The following SCHIP1 variants were observed in gnomAD, a reference collection of about 807,000 sequenced individuals.
The protein encoded by SCHIP1 is schwannomin-interacting protein 1.
In SCHIP1, 8 loss-of-function variants were observed where a neutral mutation model predicts 29.7. The observed-to-expected ratio is 0.27, with a 90% CI of 0.16 to 0.49. The LOEUF (loss-of-function observed/expected upper bound fraction) is 0.49. Among genes scored for constraint, SCHIP1 ranks in the 20% least tolerant of loss-of-function variants. SCHIP1 has a pLI of 0.99. For synonymous variants in SCHIP1, 76 were observed against 94.9 expected (o/e 0.80, Z 1.16); for missense variants, 193 against 294.6 (o/e 0.66, Z 2.52).
At chr3:159,356,612 A>G in the SCHIP1 span, among the ~76,000 whole-genome samples, 1 of 152,202 alleles carries the variant, frequency 6.6e-6, no homozygotes. Flanking sequence ...CTAATTAACT[A>G]ATTAGACATT....
the SCHIP1 span, among the ~76,000 whole-genome samples, chr3:159,701,368 C>T: frequency 1.3e-5 from 2 of 152,286 alleles, no homozygotes; most frequent in East Asian, 3.9e-4. Flanking sequence ...CCTACACGCA[C>T]AACCTTCCCT....
chr3:159,642,083 A>C, the SCHIP1 span, among the ~76,000 whole-genome samples: 25,350 of 152,070 alleles, frequency 0.17, 5,860 homozygotes, highest in African/African-American at 0.52. Context: ...CAGTGATTAA[A>C]TTTATGGGGA....
At chr3:159,515,989 A>C in the SCHIP1 span, among the ~76,000 whole-genome samples, 1 of 147,968 alleles carries the variant, frequency 6.8e-6, no homozygotes, top group African/African-American at 2.5e-5. Flanking sequence ...GAGATAAAGA[A>C]TTGGGGGGGA....
chr3:159,367,398 C>CAAA, the SCHIP1 span, among the ~76,000 whole-genome samples: 1 of 128,114 alleles, frequency 7.8e-6, no homozygotes, highest in Non-Finnish European at 1.7e-5. Context: ...AACTCCATCT[C>CAAA]AAAAAAAAAA....
chr3:159,385,081 T>C, the SCHIP1 span, among the ~76,000 whole-genome samples: 1 of 152,176 alleles, frequency 6.6e-6, no homozygotes, highest in African/African-American at 2.4e-5. Flanking sequence ...CCGGGAATTG[T>C]AATCTTTTTA....
the SCHIP1 span, among the ~76,000 whole-genome samples, chr3:159,559,979 A>G: frequency 6.6e-6 from 1 of 152,196 alleles, no homozygotes; most frequent in Non-Finnish European, 1.5e-5. Flanking sequence ...TCTCCTGCTT[A>G]TTCATACCTA....
the SCHIP1 span, chr3:159,764,622 C>T: frequency 1.2e-6 from 2 of 1,608,252 alleles, no homozygotes; most frequent in Non-Finnish European, 1.7e-6. This position sits in a 1 kb window ranked among gnomAD's most constrained non-coding sequence, Gnocchi z 6.1. Flanking sequence ...AGGAGCCCTT[C>T]CCGGTCTACC....
chr3:159,558,913 C>T, the SCHIP1 span, among the ~76,000 whole-genome samples: 1 of 152,232 alleles, frequency 6.6e-6, no homozygotes, highest in African/African-American at 2.4e-5. Context: ...GACACCCACA[C>T]ACTTTTTATA....
rs1432649334 is a variant in SCHIP1 at position 159,866,284 on chromosome 3, G to A, written c.149+3G>A. ...GGGAAGCCAAGCCTTTCCTCCCGGT[G>A]AGTGTTCTTTTGAGTTGAATTTCTG... On this transcript the variant is annotated splice_donor_region_variant and intron_variant, in intron 2 of 6. Coordinates refer to ENST00000445224, the Ensembl canonical transcript of SCHIP1. 6.2e-7 allele frequency: 1 copy of A among 1,612,934 alleles called. No individual in the cohort carries two copies. The highest frequency in any genetic ancestry group is 1.7e-5 in the Admixed American group (1 of 59,986).
chr3:159,657,776 G>A, the SCHIP1 span, among the ~76,000 whole-genome samples: 3 of 152,194 alleles, frequency 2.0e-5, no homozygotes, highest in Non-Finnish European at 4.4e-5. Context: ...GGATTTGAGG[G>A]GTCCTTGGAG....
At chr3:159,343,299 T>C in the SCHIP1 span, among the ~76,000 whole-genome samples, 1 of 152,242 alleles carries the variant, frequency 6.6e-6, no homozygotes, top group South Asian at 2.1e-4. Flanking sequence ...CACCTAGTAT[T>C]AAATGTTGTT....
At chr3:159,690,353 T>C in the SCHIP1 span, among the ~76,000 whole-genome samples, 2 of 152,212 alleles carry the variant, frequency 1.3e-5, no homozygotes, top group Non-Finnish European at 1.5e-5. Flanking sequence ...AATTTATTCA[T>C]TTCTTCTAGA....
the SCHIP1 span, among the ~76,000 whole-genome samples, chr3:159,619,337 A>G: frequency 2.6e-5 from 4 of 152,174 alleles, no homozygotes; most frequent in African/African-American, 9.7e-5. Flanking sequence ...GCTTCTCACC[A>G]ACCCTGTGCT....
At chr3:159,641,191 G>C in the SCHIP1 span, among the ~76,000 whole-genome samples, 4 of 152,124 alleles carry the variant, frequency 2.6e-5, no homozygotes, top group African/African-American at 4.8e-5. Context: ...TGAAGTTCTT[G>C]TTTGGGTTTA....
the SCHIP1 span, among the ~76,000 whole-genome samples, chr3:159,393,206 G>A: frequency 6.6e-6 from 1 of 152,120 alleles, no homozygotes; most frequent in Admixed American, 6.5e-5. Flanking sequence ...GTAGATTCTG[G>A]ATATTAGCCC....
the SCHIP1 span, among the ~76,000 whole-genome samples, chr3:159,573,583 T>C: frequency 4.6e-5 from 7 of 152,152 alleles, no homozygotes; most frequent in Non-Finnish European, 1.0e-4. Flanking sequence ...GAAGATTATG[T>C]GTCTTGGGGT....
At chr3:159,508,244 T>C in the SCHIP1 span, among the ~76,000 whole-genome samples, 1 of 152,226 alleles carries the variant, frequency 6.6e-6, no homozygotes, top group Non-Finnish European at 1.5e-5. Context: ...ATTTTCTAGT[T>C]TATTTGCGTA....
chr3:159,393,049 T>TTCTC, the SCHIP1 span, among the ~76,000 whole-genome samples: 1 of 152,244 alleles, frequency 6.6e-6, no homozygotes, highest in African/African-American at 2.4e-5. Flanking sequence ...TGGTTTGCAT[T>TTCTC]TCTCTGATGG....
the SCHIP1 span, among the ~76,000 whole-genome samples, chr3:159,693,586 C>G: frequency 6.6e-6 from 1 of 152,086 alleles, no homozygotes; most frequent in Non-Finnish European, 1.5e-5. Context: ...ATCTATAAGA[C>G]GAACTGGAGA....
Sources: allele counts gnomAD v4.1 joint callset (sites outside exome capture counted in the v4.1 genomes callset), GRCh38; gene constraint gnomAD v4.1.1; non-coding constraint Gnocchi (gnomAD v3.1); transcripts MANE v1.5; gene names NCBI Gene and HGNC (gene_info 2026-07-23, HGNC 2026-07-21).